The following KCNQ1 variants were observed in gnomAD, a reference collection of about 807,000 sequenced individuals.
KCNQ1 encodes the protein potassium voltage-gated channel subfamily Q member 1.
Under a neutral mutation model 72.4 loss-of-function variants are expected in KCNQ1, and 49 were observed. The observed-to-expected ratio is 0.68, with a 90% confidence interval of 0.54 to 0.86. The LOEUF is 0.86. Ranked by LOEUF, KCNQ1 falls within the 40% of genes least tolerant of loss-of-function variation. KCNQ1 has a pLI of 0.00. For synonymous variants in KCNQ1, 450 were observed against 412.6 expected, an observed-to-expected ratio of 1.09 and a Z score of -1.10; for missense variants, 790 against 945.1, an observed-to-expected ratio of 0.84 and a Z score of 2.15.
chr11:2,759,215 G>C lies in KCNQ1; in HGVS notation c.1515-9629G>C, dbSNP rs1234553827. Reference sequence around the variant, plus strand: ...AGGAAACCACACACGTGATGTGCTTGTGTCTGCTGACATAAGTGCTCAAGG... The same window carrying C: ...AGGAAACCACACACGTGATGTGCTTCTGTCTGCTGACATAAGTGCTCAAGG... On this transcript the variant is annotated intron_variant, in intron 11 of 15. Coordinates refer to ENST00000155840, the MANE Select transcript of KCNQ1 (RefSeq NM_000218.3). The surrounding 1 kb of genome is among the most constrained non-coding windows in gnomAD (Gnocchi z 4.4). Among the ~76,000 whole-genome samples, 2 of 152,024 alleles carry C rather than the reference G, an allele frequency of 1.3e-5. No individual in the cohort carries two copies. Among genetic ancestry groups the C allele is most frequent in the African/African-American group, 4.8e-5 (2 of 41,368 alleles).
rs1398374287 is a variant in KCNQ1, at chr11:2,477,061, T to G, written c.386+31577T>G. Among the ~76,000 whole-genome samples, 1 of 152,244 alleles carries G rather than the reference T, an allele frequency of 6.6e-6. No individual in the cohort carries two copies. The highest frequency in any genetic ancestry group is 1.5e-5 in the Non-Finnish European group (1 of 68,046). On this transcript the variant is annotated intron_variant, in intron 1 of 15. Transcript: ENST00000155840. This position sits in a 1 kb window ranked among gnomAD's most constrained non-coding sequence, Gnocchi z 5.0. ...TGAAAAATGTTGTGAGATGGCTTAT[T>G]CTTTGGGAAAAAATGTTAAGTCAAA... is the stretch of plus-strand genomic sequence containing the variant.
intron 15 of KCNQ1, among the ~76,000 whole-genome samples, chr11:2,792,161 C>T (rs1847039813): frequency 6.6e-6 from 1 of 152,200 alleles, no homozygotes; most frequent in Admixed American, 6.5e-5. Flanking sequence ...CTCCCGCACT[C>T]CCGCGGCCTC....
At position 2,473,910 on chromosome 11, in the gene KCNQ1, C is replaced by T. The variant is rs1052496725; in HGVS notation, c.386+28426C>T. The stretch of plus-strand genomic sequence containing the variant: ...CCTGGGAGAGCCCTGCCTCCCGGAA[C>T]GGACATCCTCCTTCACCAAATCCGC... On this transcript the variant is annotated intron_variant, in intron 1 of 15. Transcript: ENST00000155840. The surrounding 1 kb of genome is among the most constrained non-coding windows in gnomAD (Gnocchi z 6.0). 4.4e-4 allele frequency among the ~76,000 whole-genome samples: 67 copies of T among 152,358 alleles called. No homozygotes were observed. The highest frequency in any genetic ancestry group is 3.4e-3 in the Middle Eastern group (1 of 294).
intron 2 of KCNQ1, among the ~76,000 whole-genome samples, chr11:2,539,891 G>A (rs537235414): frequency 5.3e-5 from 8 of 152,326 alleles, no homozygotes; most frequent in Admixed American, 1.3e-4. Flanking sequence ...CCGGCGGGCC[G>A]GGTTGGGTTA....
chr11:2,844,708 T>C (rs1848285179), intron 15 of KCNQ1, among the ~76,000 whole-genome samples: 1 of 152,176 alleles, frequency 6.6e-6, no homozygotes, highest in Non-Finnish European at 1.5e-5. Context: ...TCTCTTTCTG[T>C]CCCAAGAATC....
intron 1 of KCNQ1, chr11:2,521,512 C>T (rs1299650204): frequency 1.1e-5 from 5 of 470,564 alleles, no homozygotes; most frequent in African/African-American, 6.0e-5. Flanking sequence ...CACGAGAGTG[C>T]AAAGTTCTGT....
At chr11:2,840,969 T>TAGGCTCC (rs113370506) in intron 15 of KCNQ1, among the ~76,000 whole-genome samples, 3 of 152,156 alleles carry the variant, frequency 2.0e-5, no homozygotes, top group Non-Finnish European at 2.9e-5. Flanking sequence ...GGGCACCTTC[T>TAGGCTCC]AGGCTCCAGG....
At chr11:2,789,005 C>T (rs540035148) in intron 15 of KCNQ1, among the ~76,000 whole-genome samples, 42 of 152,248 alleles carry the variant, frequency 2.8e-4, no homozygotes, top group African/African-American at 8.7e-4. Flanking sequence ...ACCTGGCATT[C>T]TCACAGCCAT....
intron 11 of KCNQ1, among the ~76,000 whole-genome samples, chr11:2,709,036 G>A (rs1850959002): frequency 6.6e-6 from 1 of 152,132 alleles, no homozygotes; most frequent in Non-Finnish European, 1.5e-5. Context: ...AACTCCGTGT[G>A]CAAATTACCT....
In KCNQ1 at chr11:2,600,527, T is replaced by C. The variant is rs1231652130; in HGVS notation, c.1393+11673T>C. ...ATCTGTGAGTTGCATACTCCACAGC[T>C]CTTTGCCCCTAAACATTTTGCTGTG... On this transcript the variant is annotated intron_variant, in intron 10 of 15. Coordinates refer to ENST00000155840, the MANE Select transcript of KCNQ1 (RefSeq NM_000218.3). This position sits in a 1 kb window ranked among gnomAD's most constrained non-coding sequence, Gnocchi z 5.6. Among the ~76,000 whole-genome samples the C allele has an allele frequency of 6.6e-6, 1 of 152,240 alleles. No homozygotes were observed. Among genetic ancestry groups the C allele is most frequent in the Non-Finnish European group, 1.5e-5 (1 of 68,038 alleles).
chr11:2,776,389 A>G (rs1337769265), intron 13 of KCNQ1, among the ~76,000 whole-genome samples: 1 of 152,098 alleles, frequency 6.6e-6, no homozygotes, highest in African/African-American at 2.4e-5. Context: ...CCACAACTTC[A>G]GGACACTCGG....
rs1185605023 is a variant in KCNQ1, at chr11:2,724,188, C to G, written c.1515-44656C>G. ...CAGGAAGGAAAGACAGAAAGAAAAA[C>G]ACGCACAGATCCAGGCTCAGATGAT... On this transcript the variant is annotated intron_variant, in intron 11 of 15. Transcript: ENST00000155840. This position sits in a 1 kb window ranked among gnomAD's most constrained non-coding sequence, Gnocchi z 6.8. Among the ~76,000 whole-genome samples, 17 of 152,298 alleles carry G rather than the reference C, an allele frequency of 1.1e-4. No individual in the cohort carries two copies. Among genetic ancestry groups the G allele is most frequent in the Non-Finnish European group, 7.4e-5 (5 of 68,024 alleles).
Position 2,678,206 on chromosome 11 carries a change from C to A in KCNQ1, c.1514+16125C>A. ...CAGAATTTTTTTAATTTCACATAGT[C>A]AGCTGTGTCAGTCTTTTATGGTTTG... On this transcript the variant is annotated intron_variant, in intron 11 of 15. Transcript: ENST00000155840. The surrounding 1 kb of genome is among the most constrained non-coding windows in gnomAD (Gnocchi z 4.9). 1 of 398,318 alleles carries A rather than the reference C, an allele frequency of 2.5e-6. No individual in the cohort carries two copies. The highest frequency in any genetic ancestry group is 4.4e-5 in the Admixed American group (1 of 22,728). 24.7% of individuals were successfully genotyped at this position (398,318 alleles called of 1,614,324 possible). A position where few individuals can be genotyped will look rare whatever the true frequency, so the allele number is the denominator to read the frequency against.
Position 2,752,141 on chromosome 11 carries a change from G to C in KCNQ1, c.1515-16703G>C, listed in dbSNP as rs1971929. 0.14 allele frequency among the ~76,000 whole-genome samples: 21,903 copies of C among 152,184 alleles called. 1,763 individuals carry two copies. The highest frequency in any genetic ancestry group is 0.29 in the East Asian group (1,495 of 5,180). ...CCGAGCTTGGGAGTTGTGTTGTGTA[G>C]TGTTGACTTGAGTTGCATCGTGTTG... is the stretch of plus-strand genomic sequence containing the variant. On this transcript the variant is annotated intron_variant, in intron 11 of 15. Coordinates refer to ENST00000155840, the MANE Select transcript of KCNQ1 (RefSeq NM_000218.3). The surrounding 1 kb of genome is among the most constrained non-coding windows in gnomAD (Gnocchi z 5.2).
At chr11:2,738,531 C>T (rs1432755969) in intron 11 of KCNQ1, among the ~76,000 whole-genome samples, 1 of 152,198 alleles carries the variant, frequency 6.6e-6, no homozygotes, top group Non-Finnish European at 1.5e-5. Flanking sequence ...CCAACCTCCC[C>T]CCACTCCCAG....
rs1847825396 is a variant in KCNQ1, at chr11:2,541,637, T to C, written c.477+13619T>C. The stretch of plus-strand genomic sequence containing the variant: ...CTTTGTCCCCACCGTTAGGATACTC[T>C]GAACGTTCCCAGAAAGCCCCCTTCT... On this transcript the variant is annotated intron_variant, in intron 2 of 15. Transcript: ENST00000155840. The surrounding 1 kb of genome is among the most constrained non-coding windows in gnomAD (Gnocchi z 4.8). Among the ~76,000 whole-genome samples, 1 of 151,846 alleles carries C rather than the reference T, an allele frequency of 6.6e-6. No homozygotes were observed. The highest frequency in any genetic ancestry group is 1.5e-5 in the Non-Finnish European group (1 of 68,002).
In KCNQ1 at chr11:2,626,552, A is replaced by G. The variant is rs1657012305; in HGVS notation, c.1394-35409A>G. On this transcript the variant is annotated intron_variant, in intron 10 of 15. Coordinates refer to ENST00000155840, the MANE Select transcript of KCNQ1 (RefSeq NM_000218.3). The surrounding 1 kb of genome is among the most constrained non-coding windows in gnomAD (Gnocchi z 4.0). ...GTTGGGGTTTTTGTTTGTTTTTCAG[A>G]CATTCTTACTCTGTTGCCCACGCTG... 1.3e-5 allele frequency: 5 copies of G among 398,380 alleles called. No homozygotes were observed. In the Admixed American group the frequency reaches 2.2e-4, roughly 18 times the overall value. 24.7% of individuals were successfully genotyped at this position (398,380 alleles called of 1,614,324 possible).
rs1850456463 is a variant in KCNQ1, at chr11:2,684,845, G to A, written c.1514+22764G>A. ...TCCTAGTCAAGGCCTCCTGTTATTG[G>A]CTTCCTCCAGGGAGTCTGCTGAGAC... On this transcript the variant is annotated intron_variant, in intron 11 of 15. Transcript: ENST00000155840. 1.0e-5 allele frequency: 4 copies of A among 398,640 alleles called. No homozygotes were observed. In the South Asian group the frequency reaches 5.1e-4, roughly 51 times the overall value. The allele number at this position is 398,640 out of a possible 1,614,324, so 24.7% of individuals were successfully genotyped here. A position where few individuals can be genotyped will look rare whatever the true frequency, so the allele number is the denominator to read the frequency against.
rs868364768 is a variant in KCNQ1 at position 2,624,862 on chromosome 11, T to C, written c.1393+36008T>C. The C allele has an allele frequency of 2.5e-6, 1 of 398,506 alleles. No homozygotes were observed. The highest frequency in any genetic ancestry group is 2.1e-5 in the African/African-American group (1 of 48,650). 24.7% of individuals were successfully genotyped at this position (398,506 alleles called of 1,614,324 possible). A position where few individuals can be genotyped will look rare whatever the true frequency, so the allele number is the denominator to read the frequency against. On this transcript the variant is annotated intron_variant, in intron 10 of 15. Coordinates refer to ENST00000155840, the MANE Select transcript of KCNQ1 (RefSeq NM_000218.3). The surrounding 1 kb of genome is among the most constrained non-coding windows in gnomAD (Gnocchi z 4.9). ...TACTTCTCTTCTTGTGACTGCTGTA[T>C]TTCATTTAACATAATGGCCTCGAGG...
Sources: gnomAD v4.1 joint callset for allele counts (sites outside exome capture counted in the v4.1 genomes callset) on GRCh38, gnomAD v4.1.1 for gene constraint, Gnocchi (gnomAD v3.1) non-coding constraint, MANE v1.5 for transcripts, NCBI Gene and HGNC (gene_info 2026-07-23, HGNC 2026-07-21) for gene names.